RNMT: variants seen among roughly 807,000 people sequenced by gnomAD.
RNMT encodes the protein mRNA cap guanine-N(7) methyltransferase.
A neutral mutation model predicts 56.0 loss-of-function variants in RNMT; 27 were observed. The observed-to-expected ratio is 0.48, with a 90% CI of 0.36 to 0.67. The LOEUF is 0.67. RNMT is among the 30% of genes least tolerant of loss of function. RNMT has a pLI of 0.00. For synonymous variants in RNMT, 184 were observed against 176.2 expected, an observed-to-expected ratio of 1.04 and a Z score of -0.35; for missense variants, 519 against 552.1, an observed-to-expected ratio of 0.94 and a Z score of 0.60.
intron 9 of RNMT, among the ~76,000 whole-genome samples, chr18:13,751,962 G>C (rs1015110377): frequency 6.6e-6 from 1 of 151,898 alleles, no homozygotes; most frequent in Admixed American, 6.6e-5. Flanking sequence ...ACACCGGGGG[G>C]CCTGTCATGG....
chr18:13,745,834 G>A (rs936486968), intron 8 of RNMT, among the ~76,000 whole-genome samples: 1 of 152,132 alleles, frequency 6.6e-6, no homozygotes, highest in Non-Finnish European at 1.5e-5. Flanking sequence ...TCTTGCCAGA[G>A]AAGTCGAGAT....
chr18:13,748,123 T>C (rs2044382396), intron 9 of RNMT, among the ~76,000 whole-genome samples: 1 of 152,146 alleles, frequency 6.6e-6, no homozygotes, highest in Non-Finnish European at 1.5e-5. Flanking sequence ...GCAGTGAGTA[T>C]ATAAAGGGCC....
At chr18:13,736,410 T>G (rs754277451) in intron 4 of RNMT, among the ~76,000 whole-genome samples, 1 of 152,190 alleles carries the variant, frequency 6.6e-6, no homozygotes, top group South Asian at 2.1e-4. Flanking sequence ...GGTTGCCTAC[T>G]GATTTTATCT....
intron 11 of RNMT, among the ~76,000 whole-genome samples, chr18:13,755,204 C>T (rs1469646257): frequency 6.6e-6 from 1 of 152,160 alleles, no homozygotes; most frequent in African/African-American, 2.4e-5. Context: ...AAGGAACAGG[C>T]ACAAATAAAC....
chr18:13,747,424 G>C (rs4527080), intron 9 of RNMT, among the ~76,000 whole-genome samples: 130,390 of 152,120 alleles, frequency 0.86, 55,976 homozygotes, highest in East Asian at 0.95. Flanking sequence ...GCTGTGTTGC[G>C]CAGGCTGGTC....
chr18:13,738,009 A>G (rs1216445722), intron 5 of RNMT, among the ~76,000 whole-genome samples: 1 of 152,092 alleles, frequency 6.6e-6, no homozygotes, highest in African/African-American at 2.4e-5. Flanking sequence ...CAATGAATCA[A>G]TCAATCAATC....
chr18:13,729,470 A>G (rs1047267360), intron 1 of RNMT, among the ~76,000 whole-genome samples: 1 of 152,230 alleles, frequency 6.6e-6, no homozygotes, highest in African/African-American at 2.4e-5. Context: ...GCCAATTTCC[A>G]TTAGGAAATC....
Position 13,760,058 on chromosome 18 carries a change from T to G in RNMT, c.*79T>G. Reference sequence around the variant, plus strand: ...CAACTCATCTCGATATATTTGATATTTCTCTGTCTGTTGATTTTAATTCTA... The same window carrying G: ...CAACTCATCTCGATATATTTGATATGTCTCTGTCTGTTGATTTTAATTCTA... On this transcript the variant is annotated 3_prime_UTR_variant, in exon 12 of 12. Transcript: ENST00000383314. 6.4e-7 allele frequency: 1 copy of G among 1,551,686 alleles called. No individual in the cohort carries two copies. Among genetic ancestry groups the G allele is most frequent in the Non-Finnish European group, 8.7e-7 (1 of 1,146,252 alleles).
At chr18:13,744,370 T>C (rs1449746629) in intron 8 of RNMT, among the ~76,000 whole-genome samples, 5 of 152,084 alleles carry the variant, frequency 3.3e-5, no homozygotes, top group African/African-American at 9.7e-5. Flanking sequence ...GCAAAACTTA[T>C]TCAAATTGGG....
In RNMT at chr18:13,742,576, G is replaced by C. The variant is rs1298429754; in HGVS notation, c.1063G>C (p.Gly355Arg). 1.2e-6 allele frequency: 2 copies of C among 1,613,312 alleles called. No individual in the cohort carries two copies. The highest frequency in any genetic ancestry group is 1.3e-5 in the African/African-American group (1 of 74,834). ...FQKKGDYPLF[G>R]CKYDFNLEGV... ...GAAGAAAGGAGATTATCCTTTATTT[G>C]GCTGCAAATATGACTTCAACTTGGA... Residue 355 changes from glycine (G) to arginine (R), a missense_variant, in exon 8 of 12, where the codon GGC (glycine) becomes CGC (arginine). By Grantham distance (125) the Gly-to-Arg change is moderately radical. Coordinates refer to ENST00000383314, the MANE Select transcript of RNMT (RefSeq NM_003799.3).
At chr18:13,732,986 T>C (rs1423794378) in intron 3 of RNMT, among the ~76,000 whole-genome samples, 2 of 151,932 alleles carry the variant, frequency 1.3e-5, no homozygotes, top group Non-Finnish European at 2.9e-5. Flanking sequence ...TGGTCTTGAA[T>C]TCCTGACCTT....
At position 13,760,574 on chromosome 18, in the gene RNMT, C is replaced by T; in HGVS notation, c.*595C>T. ...TCATTAACATGCTGCAATTCAGGAGCTGGTTAGAACATTTTAAGTGGCAGC... is the reference window on the plus strand; with the variant it reads ...TCATTAACATGCTGCAATTCAGGAGTTGGTTAGAACATTTTAAGTGGCAGC... On this transcript the variant is annotated 3_prime_UTR_variant, in exon 12 of 12. Coordinates refer to ENST00000383314, the MANE Select transcript of RNMT (RefSeq NM_003799.3). 1.0e-6 allele frequency: 1 copy of T among 985,640 alleles called. No homozygotes were observed. Among genetic ancestry groups the T allele is most frequent in the Non-Finnish European group, 1.2e-6 (1 of 829,918 alleles). The allele number at this position is 985,640 out of a possible 1,614,324, so 61.1% of individuals were successfully genotyped here.
At chr18:13,741,425 T>TA (rs2044248936) in intron 6 of RNMT, 85 bp from the exon 7 acceptor site, 1 of 835,220 alleles carries the variant, frequency 1.2e-6, no homozygotes, top group Non-Finnish European at 1.9e-6. Context: ...GGAAGAACCT[T>TA]ACATTCTAGA....
At chr18:13,734,351 A>T in intron 3 of RNMT, 113 bp from the exon 4 acceptor site, 1 of 895,968 alleles carries the variant, frequency 1.1e-6, no homozygotes, top group Non-Finnish European at 1.7e-6. Context: ...GCCATTGTTT[A>T]GTGAAGTTTA....
chr18:13,738,241 T>C (rs560105855), intron 5 of RNMT, among the ~76,000 whole-genome samples: 69 of 152,180 alleles, frequency 4.5e-4, no homozygotes, highest in Admixed American at 1.6e-3. Flanking sequence ...CTACTGATAT[T>C]TACTATATTG....
At chr18:13,745,343 TG>T (rs760152760) in intron 8 of RNMT, among the ~76,000 whole-genome samples, 1 of 152,296 alleles carries the variant, frequency 6.6e-6, no homozygotes, top group Admixed American at 6.5e-5. Context: ...AGTGAGTTTA[TG>T]GACTGGTGCC....
intron 11 of RNMT, among the ~76,000 whole-genome samples, chr18:13,756,600 C>T (rs925821911): frequency 6.6e-6 from 1 of 152,204 alleles, no homozygotes; most frequent in Non-Finnish European, 1.5e-5. Context: ...GATGAACACC[C>T]TGCCTGTTTT....
At chr18:13,736,487 CAT>C (rs1210902475) in intron 4 of RNMT, among the ~76,000 whole-genome samples, 3 of 150,960 alleles carry the variant, frequency 2.0e-5, no homozygotes, top group African/African-American at 4.9e-5. Context: ...AACTAAAAGA[CAT>C]AGTGCTTTTT....
chr18:13,734,446 A>T lies in RNMT; in HGVS notation c.418-18A>T, dbSNP rs759467376. 8 of 1,586,048 alleles carry T rather than the reference A, an allele frequency of 5.0e-6. No individual in the cohort carries two copies. The Admixed American group carries it at 7.4e-5, about 15-fold the overall frequency. ...ATGTTCTGATCCTTGATTTTTTTCT[A>T]TTCTCTTTTATTTTCAGAATCTGGA... On this transcript the variant is annotated intron_variant, in intron 3 of 11. Transcript: ENST00000383314.
Sources: gnomAD v4.1 joint callset for allele counts (sites outside exome capture counted in the v4.1 genomes callset) on GRCh38, gnomAD v4.1.1 for gene constraint, MANE v1.5 for transcripts, NCBI Gene and HGNC (gene_info 2026-07-23, HGNC 2026-07-21) for gene names.